Variants in JAKMIP1 observed in about 807,000 individuals in gnomAD.
JAKMIP1 encodes janus kinase and microtubule-interacting protein 1.
JAKMIP1 carries 33 observed loss-of-function variants against 113.0 expected under a neutral mutation model. That is an observed-to-expected ratio of 0.29 (90% confidence interval 0.22 to 0.39). JAKMIP1 has a LOEUF of 0.39. Among genes scored for constraint, JAKMIP1 ranks in the 10% least tolerant of loss-of-function variants. JAKMIP1 has a pLI of 1.00. For synonymous variants in JAKMIP1, 480 were observed against 459.9 expected (o/e 1.04, Z -0.56); for missense variants, 813 against 1,080.5 (o/e 0.75, Z 3.47).
In JAKMIP1 at chr4:6,076,210, A is replaced by T. The variant is rs1719674012; in HGVS notation, c.1302+2729T>A. ...TTAGTAAATAAATAAAAAATAAAAT[A>T]AACAAACAAACAAATAAATATAGAC... On this transcript the variant is annotated intron_variant, in intron 8 of 20. Transcript: ENST00000409021. This position sits in a 1 kb window ranked among gnomAD's most constrained non-coding sequence, Gnocchi z 4.8. 6.6e-6 allele frequency among the ~76,000 whole-genome samples: 1 copy of T among 150,956 alleles called. No individual in the cohort carries two copies. The highest frequency in any genetic ancestry group is 2.5e-5 in the African/African-American group (1 of 40,340).
intron 1 of JAKMIP1, among the ~76,000 whole-genome samples, chr4:6,174,554 A>G (rs1256022762): frequency 6.6e-6 from 1 of 152,198 alleles, no homozygotes; most frequent in African/African-American, 2.4e-5. Flanking sequence ...ACCAGGGTGC[A>G]GAAGAACAGG....
chr4:6,098,782 AGAAAGATT>A (rs1232909421), intron 3 of JAKMIP1, among the ~76,000 whole-genome samples: 3 of 152,086 alleles, frequency 2.0e-5, no homozygotes, highest in East Asian at 3.9e-4. Context: ...AAAGAAAGAA[AGAAAGATT>A]GATTCCTGAT....
In JAKMIP1 at chr4:6,080,121, A is replaced by G. The variant is rs932391677; in HGVS notation, c.1242+51T>C. ...AACACCCGTTCCTGACACCCATGTC[A>G]GCTGGTGCCACCCCTGCCAGGGGCA... On this transcript the variant is annotated intron_variant, in intron 7 of 20. Transcript: ENST00000409021. This position sits in a 1 kb window ranked among gnomAD's most constrained non-coding sequence, Gnocchi z 6.0. 6.5e-6 allele frequency: 10 copies of G among 1,529,316 alleles called. No individual in the cohort carries two copies. Among genetic ancestry groups the G allele is most frequent in the Non-Finnish European group, 7.9e-6 (9 of 1,134,904 alleles). The allele number at this position is 1,529,316 out of a possible 1,614,324, so 94.7% of individuals were successfully genotyped here. A position where few individuals can be genotyped will look rare whatever the true frequency, so the allele number is the denominator to read the frequency against.
intron 1 of JAKMIP1, among the ~76,000 whole-genome samples, chr4:6,152,240 T>C (rs1721654985): frequency 6.6e-6 from 1 of 151,846 alleles, no homozygotes; most frequent in South Asian, 2.1e-4. Flanking sequence ...TAAATGGGAG[T>C]AAAAAGGTGA....
chr4:6,084,966 CT>C lies in JAKMIP1; in HGVS notation c.835-2del, dbSNP rs1721071863. 4.3e-5 allele frequency: 8 copies of C among 187,332 alleles called. No homozygotes were observed. Among genetic ancestry groups the C allele is most frequent in the East Asian group, 1.1e-4 (1 of 8,846 alleles). The allele number at this position is 187,332 out of a possible 1,614,324, so 11.6% of individuals were successfully genotyped here. ...CATCTCGCTCGTCCATATGTTGATCCTAAAAAAAAAAAAAAAAAAAAAAAAA... is the reference window on the plus strand; with the variant it reads ...CATCTCGCTCGTCCATATGTTGATCCAAAAAAAAAAAAAAAAAAAAAAAAA... On this transcript the variant is annotated splice_acceptor_variant, in intron 4 of 20. Coordinates refer to ENST00000409021, the MANE Select transcript of JAKMIP1 (RefSeq NM_001099433.2). LOFTEE classifies it high-confidence loss of function.
chr4:6,131,173 A>AAAAAAAAAAAAAT (rs71173409), intron 1 of JAKMIP1, among the ~76,000 whole-genome samples: 1 of 95,470 alleles, frequency 1.0e-5, no homozygotes, highest in East Asian at 3.6e-4. Flanking sequence ...AAAAAAAAAA[A>AAAAAAAAAAAAAT]AATATCCCAG....
At chr4:6,133,200 A>T (rs201845367) in intron 1 of JAKMIP1, among the ~76,000 whole-genome samples, 1 of 152,204 alleles carries the variant, frequency 6.6e-6, no homozygotes, top group East Asian at 1.9e-4. Context: ...GCCAGCCAGA[A>T]TTTTAAAGTT....
In JAKMIP1 at chr4:6,188,585, A is replaced by G. The variant is rs561726108; in HGVS notation, c.-148+11668T>C. ...TCACTCACAATGATGAAGGGAAGCT[A>G]CAACCCAGGAGCAAATGAATCGTGA... On this transcript the variant is annotated intron_variant, in intron 1 of 20. Transcript: ENST00000409021. This position sits in a 1 kb window ranked among gnomAD's most constrained non-coding sequence, Gnocchi z 5.8. 1.3e-5 allele frequency among the ~76,000 whole-genome samples: 2 copies of G among 152,202 alleles called. No homozygotes were observed. Among genetic ancestry groups the G allele is most frequent in the Non-Finnish European group, 1.5e-5 (1 of 68,038 alleles).
rs898173607 is a variant in JAKMIP1, at chr4:6,185,647, C to CA, written c.-148+14605dup. ...TGAGCGACAGAGGAAGACTCCGTCT[C>CA]AAAAAAACAAAAGCCAGACCCCAGC... On this transcript the variant is annotated intron_variant, in intron 1 of 20. Transcript: ENST00000409021. This position sits in a 1 kb window ranked among gnomAD's most constrained non-coding sequence, Gnocchi z 5.3. Among the ~76,000 whole-genome samples, 2 of 151,752 alleles carry CA rather than the reference C, an allele frequency of 1.3e-5. No individual in the cohort carries two copies. The highest frequency in any genetic ancestry group is 2.9e-5 in the Non-Finnish European group (2 of 67,932).
chr4:6,162,631 C>T lies in JAKMIP1; in HGVS notation c.-148+37622G>A, dbSNP rs868382522. Among the ~76,000 whole-genome samples, 1 of 152,242 alleles carries T rather than the reference C, an allele frequency of 6.6e-6. No individual in the cohort carries two copies. Among genetic ancestry groups the T allele is most frequent in the African/African-American group, 2.4e-5 (1 of 41,468 alleles). On this transcript the variant is annotated intron_variant, in intron 1 of 20. Transcript: ENST00000409021. The surrounding 1 kb of genome is among the most constrained non-coding windows in gnomAD (Gnocchi z 5.6). ...GTTCAACCTGCCAAGCTCAGTGTGG[C>T]ACTGCCCATCTGTTAGCTCCTTAAC...
At position 6,086,995 on chromosome 4, in the gene JAKMIP1, G is replaced by C. The variant is rs1721397641; in HGVS notation, c.625-1366C>G. ...CAGACACCTTGATTTCAATCTCCTG[G>C]CCTCCAGAACTGTATAGGAACACAT... On this transcript the variant is annotated intron_variant, in intron 3 of 20. Transcript: ENST00000409021. This position sits in a 1 kb window ranked among gnomAD's most constrained non-coding sequence, Gnocchi z 4.1. Among the ~76,000 whole-genome samples the C allele has an allele frequency of 6.6e-6, 1 of 152,090 alleles. No homozygotes were observed. The highest frequency in any genetic ancestry group is 2.4e-5 in the African/African-American group (1 of 41,426).
chr4:6,097,614 T>C lies in JAKMIP1; in HGVS notation c.624+7859A>G, dbSNP rs1712040164. Among the ~76,000 whole-genome samples the C allele has an allele frequency of 6.6e-6, 1 of 152,240 alleles. No homozygotes were observed. The highest frequency in any genetic ancestry group is 1.5e-5 in the Non-Finnish European group (1 of 68,032). On this transcript the variant is annotated intron_variant, in intron 3 of 20. Transcript: ENST00000409021. The surrounding 1 kb of genome is among the most constrained non-coding windows in gnomAD (Gnocchi z 4.3). ...TTTCAGATTTTGGAGCATTTGGGAC[T>C]TTGGATTAGGGATGCTCAACCTATT...
chr4:6,196,130 C>T (rs2109068815), intron 1 of JAKMIP1, among the ~76,000 whole-genome samples: 1 of 152,334 alleles, frequency 6.6e-6, no homozygotes, highest in South Asian at 2.1e-4. Flanking sequence ...GCTGCCCCTC[C>T]CACACTCTGA....
At chr4:6,107,976 C>T (rs1214752829) in intron 2 of JAKMIP1, among the ~76,000 whole-genome samples, 3 of 152,022 alleles carry the variant, frequency 2.0e-5, no homozygotes, top group East Asian at 1.9e-4. Flanking sequence ...TGGGCAGCCT[C>T]GTGTGAGAGA....
rs550352153 is a variant in JAKMIP1 at position 6,185,315 on chromosome 4, G to A, written c.-148+14938C>T. Among the ~76,000 whole-genome samples the A allele has an allele frequency of 4.1e-4, 63 of 152,306 alleles. No homozygotes were observed. Among genetic ancestry groups the A allele is most frequent in the African/African-American group, 1.5e-3 (61 of 41,572 alleles). On this transcript the variant is annotated intron_variant, in intron 1 of 20. Transcript: ENST00000409021. This position sits in a 1 kb window ranked among gnomAD's most constrained non-coding sequence, Gnocchi z 5.3. ...CCCTGTCTGCCCTAGTTCTTAAACT[G>A]GAGAGTGTATTGGAATTGCTCCGAG...
At chr4:6,128,707 G>A (rs77967371) in intron 1 of JAKMIP1, among the ~76,000 whole-genome samples, 6,684 of 152,242 alleles carry the variant, frequency 0.044, 209 homozygotes, top group Non-Finnish European at 0.063. Context: ...CACCTGCCAA[G>A]TCCTCTCTAG....
rs1714281630 is a variant in JAKMIP1 at position 6,108,152 on chromosome 4, C to A, written c.130-2185G>T. Among the ~76,000 whole-genome samples, 1 of 152,114 alleles carries A rather than the reference C, an allele frequency of 6.6e-6. No homozygotes were observed. The highest frequency in any genetic ancestry group is 6.5e-5 in the Admixed American group (1 of 15,286). ...TGACAGAGAGGCAGGGGCCTGGGGA[C>A]AGGGCCCTGCTGGGTCCCTCCAGCT... On this transcript the variant is annotated intron_variant, in intron 2 of 20. Transcript: ENST00000409021. The surrounding 1 kb of genome is among the most constrained non-coding windows in gnomAD (Gnocchi z 5.6).
rs1246778150 is a variant in JAKMIP1 at position 6,142,682 on chromosome 4, C to T, written c.-147-29685G>A. Among the ~76,000 whole-genome samples, 1 of 152,166 alleles carries T rather than the reference C, an allele frequency of 6.6e-6. No homozygotes were observed. The highest frequency in any genetic ancestry group is 1.9e-4 in the East Asian group (1 of 5,180). On this transcript the variant is annotated intron_variant, in intron 1 of 20. Coordinates refer to ENST00000409021, the MANE Select transcript of JAKMIP1 (RefSeq NM_001099433.2). This position sits in a 1 kb window ranked among gnomAD's most constrained non-coding sequence, Gnocchi z 5.5. ...GACAGGCACAGCTCTGCTTCCCAGC[C>T]GCCACCCTGAGGTTTCCAGGAGATG...
In JAKMIP1 at chr4:6,079,082, C is replaced by G. The variant is rs146967134; in HGVS notation, c.1243-84G>C. ...CCACTGGCTCTCAAAGGGAGCTGGG[C>G]CTGCCCATCCGCACCAGGCATGGCT... On this transcript the variant is annotated intron_variant, in intron 7 of 20. Transcript: ENST00000409021. 9 of 1,441,882 alleles carry G rather than the reference C, an allele frequency of 6.2e-6. No individual in the cohort carries two copies. In the South Asian group the frequency reaches 1.1e-4, roughly 17 times the overall value. The allele number at this position is 1,441,882 out of a possible 1,614,324, so 89.3% of individuals were successfully genotyped here.
Sources: gnomAD v4.1 joint callset for allele counts (sites outside exome capture counted in the v4.1 genomes callset) on GRCh38, gnomAD v4.1.1 for gene constraint, Gnocchi (gnomAD v3.1) non-coding constraint, MANE v1.5 for transcripts, NCBI Gene and HGNC (gene_info 2026-07-23, HGNC 2026-07-21) for gene names.